The following ADGRB3 variants were observed in gnomAD, a reference collection of about 807,000 sequenced individuals.
The protein encoded by ADGRB3 is brain-specific angiogenesis inhibitor 3.
In ADGRB3, 37 loss-of-function variants were observed where a neutral mutation model predicts 193.4. The ratio of observed to expected loss-of-function variants is 0.19; its 90% CI spans 0.15 to 0.25. The LOEUF (loss-of-function observed/expected upper bound fraction) is 0.25. Ranked by LOEUF, ADGRB3 falls within the 10% of genes least tolerant of loss-of-function variation. ADGRB3 has a pLI of 1.00. For missense variants in ADGRB3, 1,637 were observed against 1,852.9 expected (o/e 0.88, Z 2.14); for synonymous variants, 690 against 644.2 (o/e 1.07, Z -1.08).
chr6:69,007,600 T>A (rs1233462844), intron 11 of ADGRB3, among the ~76,000 whole-genome samples: 1 of 152,016 alleles, frequency 6.6e-6, no homozygotes, highest in East Asian at 1.9e-4. Context: ...TCTTTATTAT[T>A]CTGGTCTCAG....
intron 3 of ADGRB3, among the ~76,000 whole-genome samples, chr6:68,915,768 G>GA (rs139568532): frequency 0.028 from 4,089 of 147,086 alleles, 172 homozygotes; most frequent in African/African-American, 0.093. Flanking sequence ...AGTGGGAGGG[G>GA]AAAAAAAAAA....
At chr6:68,636,334 A>G (rs1307659291) in intron 1 of ADGRB3, among the ~76,000 whole-genome samples, 1 of 151,990 alleles carries the variant, frequency 6.6e-6, no homozygotes, top group African/African-American at 2.4e-5. Context: ...ATTGGGGGGA[A>G]AAATCTGTGG....
intron 13 of ADGRB3, among the ~76,000 whole-genome samples, chr6:69,031,550 T>TTTCTTTCTTTCTTTATTTC: frequency 1.4e-5 from 1 of 70,130 alleles, no homozygotes; most frequent in Non-Finnish European, 3.0e-5. Context: ...TCTTTCTTTC[T>TTTCTTTCTTTCTTTATTTC]TTTTCTTTCT....
intron 17 of ADGRB3, among the ~76,000 whole-genome samples, chr6:69,180,210 G>A (rs990830421): frequency 3.9e-5 from 6 of 152,232 alleles, no homozygotes; most frequent in Admixed American, 1.3e-4. Flanking sequence ...TGGGTGTGGC[G>A]TAGAGCAGTC....
chr6:69,256,881 A>G (rs546047069), intron 20 of ADGRB3, among the ~76,000 whole-genome samples: 1 of 152,316 alleles, frequency 6.6e-6, no homozygotes, highest in South Asian at 2.1e-4. Context: ...ATGTCCCATC[A>G]ATACCTAATT....
intron 3 of ADGRB3, among the ~76,000 whole-genome samples, chr6:68,653,087 C>A (rs1228760079): frequency 6.6e-6 from 1 of 152,018 alleles, no homozygotes; most frequent in African/African-American, 2.4e-5. Flanking sequence ...TGATCTGAGT[C>A]ATTTTATTGC....
At chr6:69,000,991 A>C (rs1769559377) in intron 11 of ADGRB3, among the ~76,000 whole-genome samples, 1 of 152,186 alleles carries the variant, frequency 6.6e-6, no homozygotes, top group South Asian at 2.1e-4. Flanking sequence ...TTAATTACCA[A>C]CATAGAAGAA....
At position 68,975,931 on chromosome 6, in the gene ADGRB3, A is replaced by G. The variant is rs534393244; in HGVS notation, c.1734+591A>G. 8.5e-5 allele frequency among the ~76,000 whole-genome samples: 13 copies of G among 152,320 alleles called. 1 individual carries two copies. The South Asian group carries it at 2.7e-3, about 32-fold the overall frequency. ...AGTATGATGCATGAATATTTTGAGC[A>G]TAGTTACATTTTGCTTGGTATTTTA... On this transcript the variant is annotated intron_variant, in intron 10 of 31. Transcript: ENST00000370598.
intron 3 of ADGRB3, among the ~76,000 whole-genome samples, chr6:68,646,468 ACT>A (rs1320796314): frequency 7.0e-6 from 1 of 142,902 alleles, no homozygotes; most frequent in Non-Finnish European, 1.5e-5. Flanking sequence ...CAAGAGCGAA[ACT>A]CTGTCAAAAA....
intron 24 of ADGRB3, among the ~76,000 whole-genome samples, chr6:69,338,033 A>T (rs1228781488): frequency 6.6e-6 from 1 of 152,120 alleles, no homozygotes; most frequent in Non-Finnish European, 1.5e-5. Context: ...TAAAAGGTTT[A>T]TTTTCTAATA....
intron 15 of ADGRB3, among the ~76,000 whole-genome samples, chr6:69,060,435 A>G (rs1359096190): frequency 1.3e-5 from 2 of 152,024 alleles, no homozygotes; most frequent in East Asian, 3.9e-4. Flanking sequence ...AAGTCTCCAC[A>G]TTCCCAAACA....
At chr6:69,218,259 C>T (rs898373034) in intron 17 of ADGRB3, among the ~76,000 whole-genome samples, 1 of 152,124 alleles carries the variant, frequency 6.6e-6, no homozygotes, top group African/African-American at 2.4e-5. Flanking sequence ...GAGCTACTCA[C>T]ATTTTAAATA....
intron 3 of ADGRB3, among the ~76,000 whole-genome samples, chr6:68,865,740 G>A (rs1439024654): frequency 6.6e-6 from 1 of 152,118 alleles, no homozygotes; most frequent in African/African-American, 2.4e-5. Context: ...GGGTATGTGT[G>A]TGGTTTAGTC....
chr6:68,707,391 T>A (rs908344804), intron 3 of ADGRB3, among the ~76,000 whole-genome samples: 2 of 152,178 alleles, frequency 1.3e-5, no homozygotes, highest in Non-Finnish European at 2.9e-5. Context: ...TGTCCTGTTC[T>A]AGTGAGGTAA....
intron 3 of ADGRB3, among the ~76,000 whole-genome samples, chr6:68,830,992 A>G (rs1243492359): frequency 1.3e-5 from 2 of 151,482 alleles, no homozygotes; most frequent in Admixed American, 6.6e-5. Flanking sequence ...ACAAATGGGT[A>G]TAACGTGATC....
chr6:69,292,996 C>T (rs567077725), intron 20 of ADGRB3, among the ~76,000 whole-genome samples: 8 of 152,088 alleles, frequency 5.3e-5, no homozygotes, highest in Admixed American at 1.3e-4. Context: ...TGGACTGCCC[C>T]TCCCTCCACT....
intron 17 of ADGRB3, among the ~76,000 whole-genome samples, chr6:69,157,721 C>T (rs1463428910): frequency 2.0e-5 from 3 of 150,476 alleles, no homozygotes; most frequent in African/African-American, 7.3e-5. Flanking sequence ...AAAAGGAATA[C>T]TCCTGAGACA....
intron 3 of ADGRB3, among the ~76,000 whole-genome samples, chr6:68,877,259 C>T (rs550146797): frequency 1.3e-5 from 2 of 151,898 alleles, no homozygotes; most frequent in East Asian, 3.9e-4. Context: ...TGTTTCTAGA[C>T]ATTATTAGTC....
At chr6:69,213,771 A>T (rs148193868) in intron 17 of ADGRB3, among the ~76,000 whole-genome samples, 65 of 152,290 alleles carry the variant, frequency 4.3e-4, no homozygotes, top group Admixed American at 7.2e-4. Flanking sequence ...GTAAAGCTAG[A>T]TTAGATAGAT....
Sources: gnomAD v4.1 joint callset for allele counts (sites outside exome capture counted in the v4.1 genomes callset) on GRCh38, gnomAD v4.1.1 for gene constraint, MANE v1.5 for transcripts, NCBI Gene and HGNC (gene_info 2026-07-23, HGNC 2026-07-21) for gene names.